The following EIF4G3 variants were observed in gnomAD, a reference collection of about 807,000 sequenced individuals.
EIF4G3 encodes eIF-4-gamma 3.
A neutral mutation model predicts 186.4 loss-of-function variants in EIF4G3; 34 were observed. The observed-to-expected ratio is 0.18, with a 90% CI of 0.14 to 0.24. The LOEUF is 0.24. Ranked by LOEUF, EIF4G3 falls within the 10% of genes least tolerant of loss-of-function variation. The probability of loss-of-function intolerance (pLI) is 1.00; values close to 1 mark genes in which losing one functional copy is unlikely to be tolerated. For missense variants in EIF4G3, 1,536 were observed against 1,948.5 expected (o/e 0.79, Z 3.99); for synonymous variants, 673 against 679.5 (o/e 0.99, Z 0.15).
intron 14 of EIF4G3, among the ~76,000 whole-genome samples, chr1:20,939,418 G>A (rs2095631080): frequency 6.6e-6 from 1 of 152,162 alleles, no homozygotes; most frequent in South Asian, 2.1e-4. Flanking sequence ...AATATTGAGA[G>A]CATCTGCATT....
At chr1:20,979,278 T>G (rs1298497745) in intron 10 of EIF4G3, among the ~76,000 whole-genome samples, 1 of 152,204 alleles carries the variant, frequency 6.6e-6, no homozygotes, top group African/African-American at 2.4e-5. Flanking sequence ...ACTTTTAATT[T>G]TTCAAGGCAT....
intron 4 of EIF4G3, among the ~76,000 whole-genome samples, chr1:21,012,287 A>C (rs1447086238): frequency 3.9e-5 from 6 of 152,166 alleles, no homozygotes; most frequent in African/African-American, 9.7e-5. Flanking sequence ...TTTTCCATTC[A>C]CATTGCTTAG....
intron 6 of EIF4G3, 129 bp downstream of exon 6, chr1:21,001,070 A>G (rs886212625): frequency 7.5e-6 from 3 of 400,512 alleles, no homozygotes; most frequent in Admixed American, 5.6e-5. Flanking sequence ...CTGCCATGCT[A>G]GGTTAGACTT....
At chr1:21,098,539 C>G (rs533370174) in intron 2 of EIF4G3, among the ~76,000 whole-genome samples, 1 of 27,710 alleles carries the variant, frequency 3.6e-5, no homozygotes, top group Non-Finnish European at 7.0e-5. Context: ...GGCCCTGTCT[C>G]GAAAAAAAAA....
intron 14 of EIF4G3, among the ~76,000 whole-genome samples, chr1:20,940,297 T>C (rs1407063571): frequency 6.6e-6 from 1 of 152,194 alleles, no homozygotes; most frequent in East Asian, 1.9e-4. Flanking sequence ...ACAGGTAATT[T>C]ACAAAGATTT....
At chr1:21,091,425 T>C (rs928458337) in intron 2 of EIF4G3, among the ~76,000 whole-genome samples, 2 of 152,130 alleles carry the variant, frequency 1.3e-5, no homozygotes, top group Non-Finnish European at 2.9e-5. Context: ...CCTCCCAAAG[T>C]GCTAGGATTA....
chr1:21,018,372 T>C (rs1172695838), intron 4 of EIF4G3, among the ~76,000 whole-genome samples: 1 of 151,860 alleles, frequency 6.6e-6, no homozygotes, highest in African/African-American at 2.4e-5. Context: ...ACAAGGTCAG[T>C]AGTTCAAGAC....
At chr1:20,971,187 C>T (rs756876417) in intron 11 of EIF4G3, among the ~76,000 whole-genome samples, 22 of 152,114 alleles carry the variant, frequency 1.4e-4, no homozygotes, top group Non-Finnish European at 2.6e-4. Flanking sequence ...ATATAAAGGA[C>T]CCACTGTTGT....
chr1:21,157,055 C>G (rs1196006117), intron 2 of EIF4G3, among the ~76,000 whole-genome samples: 1 of 152,104 alleles, frequency 6.6e-6, no homozygotes, highest in African/African-American at 2.4e-5. Context: ...AAGACCCTAT[C>G]TCAAAAAATA....
chr1:20,863,770 AG>A (rs869194649), intron 22 of EIF4G3, among the ~76,000 whole-genome samples: 4 of 37,494 alleles, frequency 1.1e-4, no homozygotes, highest in Non-Finnish European at 1.3e-4. Context: ...AAAAAAAAAG[AG>A]AGAGAGAGAG....
rs1006493824 is a variant in EIF4G3 at position 20,810,303 on chromosome 1, C to T, written c.4744+435G>A. On this transcript the variant is annotated intron_variant, in intron 36 of 36. Coordinates refer to ENST00000602326, the MANE Select transcript of EIF4G3 (RefSeq NM_001391906.1). The surrounding 1 kb of genome is among the most constrained non-coding windows in gnomAD (Gnocchi z 4.1). ...CCAAGTAGCTGGGATTACAGGTGCC[C>T]GCCACCACACCCAGCTAATTTTTTG... 8.6e-5 allele frequency among the ~76,000 whole-genome samples: 13 copies of T among 151,946 alleles called. No individual in the cohort carries two copies. The East Asian group carries it at 1.5e-3, about 18-fold the overall frequency.
At chr1:20,823,102 CATCT>C (rs2062807250) in intron 33 of EIF4G3, among the ~76,000 whole-genome samples, 1 of 151,956 alleles carries the variant, frequency 6.6e-6, no homozygotes, top group Non-Finnish European at 1.5e-5. Flanking sequence ...TAAAATCTTT[CATCT>C]GTCTTTGGTA....
At chr1:21,056,469 G>A (rs1038580748) in intron 3 of EIF4G3, among the ~76,000 whole-genome samples, 1 of 152,116 alleles carries the variant, frequency 6.6e-6, no homozygotes, top group Non-Finnish European at 1.5e-5. Context: ...AGGGAAAAAG[G>A]TATACCATCT....
intron 3 of EIF4G3, among the ~76,000 whole-genome samples, chr1:21,056,066 T>C (rs1468442846): frequency 2.6e-5 from 4 of 152,182 alleles, no homozygotes; most frequent in Non-Finnish European, 5.9e-5. Flanking sequence ...AGTGCTGTTC[T>C]TTCTACATAA....
intron 33 of EIF4G3, 21 bp from the exon 34 acceptor site, chr1:20,817,559 C>A: frequency 6.7e-7 from 1 of 1,493,772 alleles, no homozygotes. Context: ...AAAGGTGGAA[C>A]ATATTAATAT....
At chr1:21,146,378 C>T (rs1430580359) in intron 2 of EIF4G3, among the ~76,000 whole-genome samples, 1 of 152,130 alleles carries the variant, frequency 6.6e-6, no homozygotes, top group Non-Finnish European at 1.5e-5. Context: ...CTTTAAAGTA[C>T]AGTAAATGAA....
At chr1:21,021,615 G>A (rs1056253685) in intron 4 of EIF4G3, among the ~76,000 whole-genome samples, 17 of 152,100 alleles carry the variant, frequency 1.1e-4, no homozygotes, top group Non-Finnish European at 2.2e-4. Context: ...GAGTGCAGGG[G>A]TGCAATCTCG....
intron 14 of EIF4G3, among the ~76,000 whole-genome samples, chr1:20,918,382 G>GT (rs1263021291): frequency 2.6e-5 from 4 of 151,816 alleles, no homozygotes; most frequent in African/African-American, 7.2e-5. Flanking sequence ...GCTAATTTTT[G>GT]TTTTTTTGTA....
Position 20,943,749 on chromosome 1 carries a change from A to C in EIF4G3, c.824-1419T>G, listed in dbSNP as rs917290330. Among the ~76,000 whole-genome samples, 7 of 152,340 alleles carry C rather than the reference A, an allele frequency of 4.6e-5. No homozygotes were observed. The South Asian group carries it at 1.4e-3, about 32-fold the overall frequency. On this transcript the variant is annotated intron_variant, in intron 13 of 36. Coordinates refer to ENST00000602326, the MANE Select transcript of EIF4G3 (RefSeq NM_001391906.1). ...CAGTTTATCAGATAAATAGGTATTA[A>C]ATATTACCATTAAGATATTATTAAT...
Sources: gnomAD v4.1 joint callset for allele counts (sites outside exome capture counted in the v4.1 genomes callset) on GRCh38, gnomAD v4.1.1 for gene constraint, Gnocchi (gnomAD v3.1) non-coding constraint, MANE v1.5 for transcripts, NCBI Gene and HGNC (gene_info 2026-07-23, HGNC 2026-07-21) for gene names.